Variants in FKBP5 observed in about 807,000 individuals in gnomAD.
The protein encoded by FKBP5 is FKBP prolyl isomerase 5, also known as peptidyl-prolyl cis-trans isomerase FKBP5.
In FKBP5, 23 loss-of-function variants were observed where a neutral mutation model predicts 50.5. The ratio of observed to expected loss-of-function variants is 0.46; its 90% CI spans 0.33 to 0.65. The LOEUF is 0.65. FKBP5 is among the 30% of genes least tolerant of loss of function. The pLI, the probability that FKBP5 is intolerant of heterozygous loss-of-function variation, is 0.02. For missense variants in FKBP5, 411 were observed against 553.1 expected, an observed-to-expected ratio of 0.74 and a Z score of 2.58; for synonymous variants, 176 against 190.6, an observed-to-expected ratio of 0.92 and a Z score of 0.63.
intron 2 of FKBP5, among the ~76,000 whole-genome samples, chr6:35,642,229 T>G (rs1298957239): frequency 3.9e-5 from 6 of 152,070 alleles, no homozygotes; most frequent in Admixed American, 3.9e-4. Flanking sequence ...TCTGCATTAC[T>G]AAGATATATG....
chr6:35,583,588 A>G, intron 8 of FKBP5: 8 of 982,810 alleles, frequency 8.1e-6, no homozygotes, highest in Non-Finnish European at 9.7e-6. Context: ...TTTGCCCCCC[A>G]GGGAACACCT....
At chr6:35,720,646 T>A (rs1766596383) in intron 1 of FKBP5, 1 of 152,318 alleles carries the variant, frequency 6.6e-6, no homozygotes, top group Admixed American at 6.5e-5. Flanking sequence ...GGCTGCTCAC[T>A]CTTGCTCTCT....
rs1405742481 is a variant in FKBP5 at position 35,574,359 on chromosome 6, A to T, written c.*1476T>A. 1 of 152,232 alleles carries T rather than the reference A, an allele frequency of 6.6e-6. No homozygotes were observed. The highest frequency in any genetic ancestry group is 1.9e-4 in the East Asian group (1 of 5,200). The allele number at this position is 152,232 out of a possible 1,614,324, so 9.4% of individuals were successfully genotyped here. A position where few individuals can be genotyped will look rare whatever the true frequency, so the allele number is the denominator to read the frequency against. ...GTGTTTTTTAGGATTTAAAAAGGTG[A>T]GATGTTCCAGGTTTAAGCAAATGGT... On this transcript the variant is annotated 3_prime_UTR_variant, in exon 11 of 11. Coordinates refer to ENST00000357266, the MANE Select transcript of FKBP5 (RefSeq NM_004117.4).
chr6:35,705,258 ATTTTTTTTTT>A (rs199875825), intron 2 of FKBP5, among the ~76,000 whole-genome samples: 4 of 7,758 alleles, frequency 5.2e-4, no homozygotes, highest in African/African-American at 3.7e-3. Flanking sequence ...ATATATATAT[ATTTTTTTTTT>A]TTTTTTTTTT....
chr6:35,606,940 G>T (rs896217647), intron 5 of FKBP5, among the ~76,000 whole-genome samples: 1 of 152,100 alleles, frequency 6.6e-6, no homozygotes, highest in Non-Finnish European at 1.5e-5. Flanking sequence ...AGCATTGTTT[G>T]TGTGTTTGTT....
intron 1 of FKBP5, among the ~76,000 whole-genome samples, chr6:35,662,513 G>C (rs1765099943): frequency 6.6e-6 from 1 of 151,530 alleles, no homozygotes; most frequent in Non-Finnish European, 1.5e-5. Context: ...TGAACTCCTG[G>C]GCTCAAGCGA....
At chr6:35,612,128 C>T (rs189688949) in intron 5 of FKBP5, among the ~76,000 whole-genome samples, 141 of 152,166 alleles carry the variant, frequency 9.3e-4, no homozygotes, top group Non-Finnish European at 1.6e-3. Flanking sequence ...CAGTGGCTCA[C>T]GCCTGTAATC....
At chr6:35,666,402 A>AAAAAAAAAAAAAAAAAAG (rs1765222609) in intron 1 of FKBP5, among the ~76,000 whole-genome samples, 1 of 143,584 alleles carries the variant, frequency 7.0e-6, no homozygotes, top group Non-Finnish European at 1.5e-5. Flanking sequence ...GTTAAAAAAA[A>AAAAAAAAAAAAAAAAAAG]AAAAAAAAAA....
chr6:35,664,530 A>G (rs897950167), intron 1 of FKBP5, among the ~76,000 whole-genome samples: 1 of 152,188 alleles, frequency 6.6e-6, no homozygotes, highest in Non-Finnish European at 1.5e-5. Context: ...ATGCACAGTA[A>G]AAGAATGAAA....
chr6:35,586,552 A>G (rs1264930179), intron 8 of FKBP5: 15 of 985,842 alleles, frequency 1.5e-5, no homozygotes, highest in Non-Finnish European at 4.8e-6. Context: ...GGATTGCTTG[A>G]GGCTAGAAGT....
Position 35,620,272 on chromosome 6 carries a change from G to C in FKBP5, c.253C>G (p.Gln85Glu). 1 of 1,613,376 alleles carries C rather than the reference G, an allele frequency of 6.2e-7. No homozygotes were observed. Among genetic ancestry groups the C allele is most frequent in the Non-Finnish European group, 8.5e-7 (1 of 1,179,648 alleles). ...CCAATGTCCCATGCCTTGATGACTT[G>C]GCCTAAGGGAAAGGAAAAGGTAGTT... ...EPFVFSLGKG[Q>E]VIKAWDIGVA... Residue 85 changes from glutamine to glutamate, a missense_variant and splice_region_variant, in exon 4 of 11, where the codon CAA becomes GAA. This residue lies in a region of FKBP5 where 267 missense variants were observed against 405.9 expected (regional missense o/e 0.66). Transcript: ENST00000357266.
At chr6:35,704,301 A>G (rs970871621) in intron 2 of FKBP5, among the ~76,000 whole-genome samples, 3 of 152,198 alleles carry the variant, frequency 2.0e-5, no homozygotes, top group Non-Finnish European at 4.4e-5. Flanking sequence ...TCTGTTGGCC[A>G]CTGTGGTTTC....
At chr6:35,590,221 C>G (rs1762770164) in intron 7 of FKBP5, among the ~76,000 whole-genome samples, 1 of 152,000 alleles carries the variant, frequency 6.6e-6, no homozygotes, top group African/African-American at 2.4e-5. Context: ...ACTGCTTGAG[C>G]CCAGGAAGTT....
At chr6:35,647,591 G>A (rs987945655) in intron 1 of FKBP5, among the ~76,000 whole-genome samples, 1 of 152,200 alleles carries the variant, frequency 6.6e-6, no homozygotes, top group African/African-American at 2.4e-5. Flanking sequence ...CAGGGAGCCT[G>A]GAGAAGCTCT....
chr6:35,656,948 A>G (rs1292614562), intron 1 of FKBP5, among the ~76,000 whole-genome samples: 2 of 150,714 alleles, frequency 1.3e-5, no homozygotes, highest in African/African-American at 4.9e-5. Flanking sequence ...ACGGTGGCTC[A>G]CGGCTGTAAT....
chr6:35,676,648 T>G (rs1431909165), intron 1 of FKBP5, among the ~76,000 whole-genome samples: 1 of 152,218 alleles, frequency 6.6e-6, no homozygotes, highest in Non-Finnish European at 1.5e-5. Context: ...CCCTATATTA[T>G]CTGTAGTTCC....
intron 2 of FKBP5, among the ~76,000 whole-genome samples, chr6:35,715,423 C>T (rs1766494473): frequency 6.6e-6 from 1 of 152,098 alleles, no homozygotes; most frequent in South Asian, 2.1e-4. Flanking sequence ...TATATATATG[C>T]TTGTTTATAT....
At chr6:35,613,731 AG>A (rs1376706998) in intron 5 of FKBP5, among the ~76,000 whole-genome samples, 2 of 152,256 alleles carry the variant, frequency 1.3e-5, no homozygotes, top group Non-Finnish European at 2.9e-5. Context: ...GATAAATGAA[AG>A]TATAACACAA....
intron 2 of FKBP5, 127 bp downstream of exon 2, chr6:35,642,593 A>C (rs937530540): frequency 5.0e-6 from 3 of 605,194 alleles, no homozygotes; most frequent in Non-Finnish European, 8.5e-6. Flanking sequence ...ATGAGAATCT[A>C]GCTCTAGTGT....
Sources: allele counts gnomAD v4.1 joint callset (sites outside exome capture counted in the v4.1 genomes callset), GRCh38; gene constraint gnomAD v4.1.1; regional missense constraint gnomAD v4.1.1; transcripts MANE v1.5; gene names NCBI Gene and HGNC (gene_info 2026-07-23, HGNC 2026-07-21).